The following PARP6 variants were observed in gnomAD, a reference collection of about 807,000 sequenced individuals.
PARP6 encodes protein mono-ADP-ribosyltransferase PARP6.
In PARP6, 27 loss-of-function variants were observed where a neutral mutation model predicts 92.0. The ratio of observed to expected loss-of-function variants is 0.29; its 90% CI spans 0.22 to 0.40. The LOEUF (loss-of-function observed/expected upper bound fraction) is 0.40, where lower values mean the gene tolerates loss of function less well. Among genes scored for constraint, PARP6 ranks in the 10% least tolerant of loss-of-function variants. The pLI is 1.00. For missense variants in PARP6, 501 were observed against 784.5 expected, an observed-to-expected ratio of 0.64 and a Z score of 4.32; for synonymous variants, 272 against 281.2, an observed-to-expected ratio of 0.97 and a Z score of 0.33.
chr15:72,264,628 AGAG>A lies in PARP6; in HGVS notation c.329-10_329-8del. The A allele has an allele frequency of 6.2e-7, 1 of 1,612,118 alleles. No homozygotes were observed. Among genetic ancestry groups the A allele is most frequent in the Non-Finnish European group, 8.5e-7 (1 of 1,178,240 alleles). On this transcript the variant is annotated splice_region_variant and splice_polypyrimidine_tract_variant and intron_variant, in intron 7 of 23. Transcript: ENST00000569795. ...AAAACCTCAATGGATGGTTCTGCAA[AGAG>A]AAGAGAAGGCTACTAGTAAGTACAT...
In PARP6 at chr15:72,260,503, G is replaced by A. The variant is rs758078301; in HGVS notation, c.731C>T (p.Pro244Leu). 3.7e-6 allele frequency: 6 copies of A among 1,614,124 alleles called. No homozygotes were observed. In the South Asian group the frequency reaches 6.6e-5, roughly 18 times the overall value. Residue 244 changes from proline to leucine, a missense_variant, in exon 10 of 24, where the codon CCT becomes CTT. By Grantham distance (98) the Pro-to-Leu change is moderately conservative. Transcript: ENST00000569795. ...GLLCPQHVGL[P>L]PPARTSPLVS... is the part of the protein sequence containing the mutation. ...CAAAGGAGAGGTCCGTGCTGGGGGA[G>A]GGAGGCCCACGTGCTGAGGGCACAG...
intron 7 of PARP6, 138 bp downstream of exon 7, chr15:72,264,943 G>A: frequency 1.6e-6 from 1 of 637,182 alleles, no homozygotes; most frequent in East Asian, 2.7e-5. Context: ...CAATTACAGG[G>A]GACTAAAAAG....
At position 72,251,260 on chromosome 15, in the gene PARP6, GA is replaced by G; in HGVS notation, c.1260-6del. The stretch of plus-strand genomic sequence containing the variant: ...GACCTGTTGCTAGAGATGATCCTGG[GA>G]AGAAACAGAAAAAAATAAAAAGGAT... On this transcript the variant is annotated splice_region_variant and splice_polypyrimidine_tract_variant and intron_variant, in intron 16 of 23. Coordinates refer to ENST00000569795, the MANE Select transcript of PARP6 (RefSeq NM_001323532.2). The G allele has an allele frequency of 6.4e-7, 1 of 1,565,252 alleles. No individual in the cohort carries two copies. The highest frequency in any genetic ancestry group is 8.8e-7 in the Non-Finnish European group (1 of 1,140,778).
intron 15 of PARP6, 70 bp from the exon 16 acceptor site, chr15:72,253,574 G>A: frequency 7.6e-7 from 1 of 1,322,436 alleles, no homozygotes; most frequent in Non-Finnish European, 1.1e-6. Context: ...GCTTTTCACA[G>A]AGTGACTATT....
chr15:72,257,956 C>G, intron 12 of PARP6, 81 bp downstream of exon 12: 1 of 1,018,596 alleles, frequency 9.8e-7, no homozygotes, highest in South Asian at 1.3e-5. Flanking sequence ...ACCTTGACCA[C>G]AGACCAAGGA....
chr15:72,254,582 G>A, intron 14 of PARP6, 62 bp from the exon 15 acceptor site: 1 of 1,308,986 alleles, frequency 7.6e-7, no homozygotes, highest in Non-Finnish European at 1.1e-6. Context: ...AGTAAGATGT[G>A]ATGAAAAGGG....
chr15:72,241,777 A>G lies in PARP6; in HGVS notation c.1790+124T>C, dbSNP rs528407843. On this transcript the variant is annotated intron_variant, in intron 23 of 23. Transcript: ENST00000569795. The surrounding 1 kb of genome is among the most constrained non-coding windows in gnomAD (Gnocchi z 4.1). Reference sequence around the variant, plus strand: ...CCTCCAATGGTAAAGTCCCAGTGACAGCTCCACTCAGGTAGCCAAGGACAT... The same window carrying G: ...CCTCCAATGGTAAAGTCCCAGTGACGGCTCCACTCAGGTAGCCAAGGACAT... 4.9e-6 allele frequency: 4 copies of G among 821,222 alleles called. No individual in the cohort carries two copies. The highest frequency in any genetic ancestry group is 8.3e-6 in the Non-Finnish European group (4 of 480,206). 50.9% of individuals were successfully genotyped at this position (821,222 alleles called of 1,614,324 possible).
chr15:72,248,824 G>C (rs1200001452), intron 20 of PARP6, among the ~76,000 whole-genome samples: 1 of 152,226 alleles, frequency 6.6e-6, no homozygotes, highest in Non-Finnish European at 1.5e-5. Flanking sequence ...ATGGTTGAGA[G>C]AGAGAACAGT....
chr15:72,268,072 C>T (rs2141114558), intron 2 of PARP6, among the ~76,000 whole-genome samples: 1 of 152,322 alleles, frequency 6.6e-6, no homozygotes, highest in East Asian at 1.9e-4. Context: ...TTTTATTATA[C>T]ATACAGATAC....
intron 3 of PARP6, chr15:72,267,088 T>C: frequency 1.9e-6 from 1 of 518,296 alleles, no homozygotes; most frequent in Non-Finnish European, 3.5e-6. Flanking sequence ...GTATGATGAC[T>C]GAGAGGCTCT....
In PARP6 at chr15:72,265,415, C is replaced by A; in HGVS notation, c.235G>T (p.Asp79Tyr). 6.2e-7 allele frequency: 1 copy of A among 1,613,072 alleles called. No individual in the cohort carries two copies. Among genetic ancestry groups the A allele is most frequent in the South Asian group, 1.1e-5 (1 of 91,074 alleles). ...TGGCAGGTACTAGCCCCACTTACAT[C>A]GAGGAAGCTGATGTTGATGTGGAGG... is the stretch of plus-strand genomic sequence containing the variant. ...IDLHINISFL[D>Y]EEVSTAWKVL... is the part of the protein sequence containing the mutation. The change falls in exon 6 of 24, where the codon GAT becomes TAT. Residue 79 changes from aspartate to tyrosine, a missense_variant and splice_region_variant. Physicochemically the swap from Asp to Tyr is radical, Grantham distance 160. Transcript: ENST00000569795.
chr15:72,249,415 A>G, intron 19 of PARP6, 101 bp from the exon 20 acceptor site: 2 of 628,066 alleles, frequency 3.2e-6, no homozygotes, highest in Non-Finnish European at 2.8e-6. Flanking sequence ...CCCTCCTTCT[A>G]CCTTCTCATT....
At chr15:72,270,961 G>GC (rs2087346093) in intron 2 of PARP6, 62 bp downstream of exon 2, 1 of 152,118 alleles carries the variant, frequency 6.6e-6, no homozygotes, top group Non-Finnish European at 1.5e-5. Flanking sequence ...ACAATAACCT[G>GC]CATGTTTCTA....
intron 20 of PARP6, chr15:72,243,768 T>G (rs1381667722): frequency 6.6e-6 from 1 of 152,242 alleles, no homozygotes; most frequent in Non-Finnish European, 1.5e-5. Flanking sequence ...TGGACACACG[T>G]GCCTGTGTGT....
intron 13 of PARP6, among the ~76,000 whole-genome samples, 162 bp from the exon 14 acceptor site, chr15:72,256,752 G>A (rs2085191002): frequency 6.6e-6 from 1 of 152,178 alleles, no homozygotes; most frequent in African/African-American, 2.4e-5. Context: ...TAATACCAAA[G>A]TAATTAAAGA....
chr15:72,250,803 G>T, intron 18 of PARP6, 42 bp downstream of exon 18: 2 of 502,332 alleles, frequency 4.0e-6, no homozygotes, highest in Non-Finnish European at 3.8e-6. Flanking sequence ...GCTCATCCCC[G>T]CCCCCTCACC....
chr15:72,256,595 G>T lies in PARP6; in HGVS notation c.1000-5C>A. 6.5e-7 allele frequency: 1 copy of T among 1,531,576 alleles called. No individual in the cohort carries two copies. The allele number at this position is 1,531,576 out of a possible 1,614,324, so 94.9% of individuals were successfully genotyped here. ...GGCCACCAGCAGATCCACCACCTTA[G>T]GGGAAAGGAAAAAAAACAGGGCAGA... is the stretch of plus-strand genomic sequence containing the variant. On this transcript the variant is annotated splice_polypyrimidine_tract_variant and splice_region_variant and intron_variant, in intron 13 of 23. Transcript: ENST00000569795.
chr15:72,257,656 C>T (rs1202998355), intron 12 of PARP6, among the ~76,000 whole-genome samples: 1 of 152,208 alleles, frequency 6.6e-6, no homozygotes, highest in Non-Finnish European at 1.5e-5. Context: ...CCCTGATCTT[C>T]CTATGAAGTC....
chr15:72,252,560 A>G (rs965407131), intron 16 of PARP6, among the ~76,000 whole-genome samples: 2 of 151,692 alleles, frequency 1.3e-5, no homozygotes, highest in Non-Finnish European at 2.9e-5. Flanking sequence ...ATCTCAGCTC[A>G]CGGCAACCTC....
Sources: allele counts gnomAD v4.1 joint callset (sites outside exome capture counted in the v4.1 genomes callset), GRCh38; gene constraint gnomAD v4.1.1; non-coding constraint Gnocchi (gnomAD v3.1); transcripts MANE v1.5; gene names NCBI Gene and HGNC (gene_info 2026-07-23, HGNC 2026-07-21).